The following PXDN variants were observed in gnomAD, a reference collection of about 807,000 sequenced individuals.
PXDN encodes the protein peroxidasin homolog.
Under a neutral mutation model 140.3 loss-of-function variants are expected in PXDN, and 77 were observed. The observed-to-expected ratio is 0.55, with a 90% CI of 0.46 to 0.66. The LOEUF (loss-of-function observed/expected upper bound fraction) is 0.66, where lower values mean the gene tolerates loss of function less well. Among genes scored for constraint, PXDN ranks in the 30% least tolerant of loss-of-function variants. The probability of loss-of-function intolerance (pLI) is 0.00; values close to 1 mark genes in which losing one functional copy is unlikely to be tolerated. For synonymous variants in PXDN, 911 were observed against 857.4 expected (o/e 1.06, Z -1.09); for missense variants, 1,838 against 2,039.5 (o/e 0.90, Z 1.90).
intron 4 of PXDN, among the ~76,000 whole-genome samples, 170 bp from the exon 5 acceptor site, chr2:1,684,321 T>A (rs1002288595): frequency 1.3e-5 from 2 of 152,148 alleles, no homozygotes; most frequent in African/African-American, 4.8e-5. Context: ...AATGATTCAA[T>A]AAATACAACT....
At position 1,649,445 on chromosome 2, in the gene PXDN, G is replaced by A. The variant is rs779259253; in HGVS notation, c.2335C>T (p.Arg779Trp). 7 of 1,613,876 alleles carry A rather than the reference G, an allele frequency of 4.3e-6. No individual in the cohort carries two copies. The highest frequency in any genetic ancestry group is 4.5e-5 in the East Asian group (2 of 44,878). The change falls in exon 17 of 23, where the codon CGG becomes TGG. Residue 779 changes from arginine to tryptophan, a missense_variant. By Grantham distance (101) the Arg-to-Trp change is moderately radical (BLOSUM62 -3). Transcript: ENST00000252804. The surrounding 1 kb of genome is among the most constrained non-coding windows in gnomAD (Gnocchi z 7.1). The stretch of plus-strand genomic sequence containing the variant: ...TACAGTCGGTGGGGGTTGATGCCCC[G>A]AGGGGTGTTGAAGCCATTCTCGTAC... ...SVYENGFNTP[R>W]GINPHRLYNG...
intron 10 of PXDN, 64 bp downstream of exon 10, chr2:1,666,150 C>A: frequency 1.3e-6 from 2 of 1,581,966 alleles, no homozygotes. Context: ...TATGGCAGCG[C>A]GAGCTAGTGG....
intron 1 of PXDN, among the ~76,000 whole-genome samples, chr2:1,706,232 A>G (rs1003504830): frequency 6.6e-6 from 1 of 152,198 alleles, no homozygotes; most frequent in Non-Finnish European, 1.5e-5. Context: ...CTAAAGATCT[A>G]TCTGGGAGGG....
At chr2:1,635,174 C>A (rs554241478) in intron 22 of PXDN, among the ~76,000 whole-genome samples, 2 of 142,830 alleles carry the variant, frequency 1.4e-5, no homozygotes, top group Admixed American at 1.5e-4. Flanking sequence ...AGGGGCTGCC[C>A]GCCCTCTGTG....
intron 1 of PXDN, among the ~76,000 whole-genome samples, chr2:1,705,807 G>A (rs913120964): frequency 6.6e-6 from 1 of 151,572 alleles, no homozygotes; most frequent in African/African-American, 2.4e-5. Flanking sequence ...CTGGGATGCA[G>A]GTGCGGCTGC....
At chr2:1,731,908 G>A (rs188692517) in intron 1 of PXDN, among the ~76,000 whole-genome samples, 41 of 152,258 alleles carry the variant, frequency 2.7e-4, no homozygotes, top group Middle Eastern at 3.4e-3. Flanking sequence ...GAGAACACCA[G>A]GATTGAGTCA....
chr2:1,693,287 C>T (rs1298349580), intron 1 of PXDN, among the ~76,000 whole-genome samples, 153 bp from the exon 2 acceptor site: 2 of 152,198 alleles, frequency 1.3e-5, no homozygotes, highest in South Asian at 2.1e-4. Flanking sequence ...TTCACTGAGG[C>T]TAGTAAGTGT....
chr2:1,744,771 G>C (rs1685654153), upstream of PXDN: 1 of 239,788 alleles, frequency 4.2e-6, no homozygotes, highest in African/African-American at 2.3e-5. Flanking sequence ...TCGGGACCCT[G>C]GGGCCTACGC....
intron 1 of PXDN, among the ~76,000 whole-genome samples, chr2:1,716,455 A>C (rs1234482812): frequency 2.2e-5 from 3 of 136,414 alleles, no homozygotes; most frequent in Non-Finnish European, 4.5e-5. Context: ...AAAAAAAAAA[A>C]AAAAAAAAAA....
Position 1,658,429 on chromosome 2 carries a change from C to A in PXDN, c.1837+2452G>T, listed in dbSNP as rs566156444. Reference sequence around the variant, plus strand: ...CACTGACAGAGCCCAGCAGTCCCCCCACAGTGCAAGCCAACTACTGCCAGG... The same window carrying A: ...CACTGACAGAGCCCAGCAGTCCCCCAACAGTGCAAGCCAACTACTGCCAGG... On this transcript the variant is annotated intron_variant, in intron 14 of 22. Coordinates refer to ENST00000252804, the MANE Select transcript of PXDN (RefSeq NM_012293.3). 1.2e-4 allele frequency among the ~76,000 whole-genome samples: 19 copies of A among 152,134 alleles called. No homozygotes were observed. The East Asian group carries it at 3.3e-3, about 27-fold the overall frequency.
chr2:1,720,861 G>A (rs899025486), intron 1 of PXDN, among the ~76,000 whole-genome samples: 14 of 152,090 alleles, frequency 9.2e-5, no homozygotes, highest in African/African-American at 3.4e-4. Flanking sequence ...GGTTGGACCT[G>A]GGTGGGCGCC....
At chr2:1,650,966 G>C (rs1572126748) in intron 16 of PXDN, among the ~76,000 whole-genome samples, 1 of 152,046 alleles carries the variant, frequency 6.6e-6, no homozygotes, top group Non-Finnish European at 1.5e-5. Flanking sequence ...CAAAGAATTG[G>C]AAGTGAGGCA....
intron 1 of PXDN, among the ~76,000 whole-genome samples, chr2:1,697,040 C>A (rs981216750): frequency 2.0e-5 from 3 of 152,196 alleles, no homozygotes; most frequent in African/African-American, 7.2e-5. Flanking sequence ...TGTTCCACAG[C>A]ACCAGTGCTT....
In PXDN at chr2:1,684,067, A is replaced by G. The variant is rs1191692693; in HGVS notation, c.488+13T>C. 1.3e-6 allele frequency: 2 copies of G among 1,569,486 alleles called. No individual in the cohort carries two copies. Among genetic ancestry groups the G allele is most frequent in the Non-Finnish European group, 8.7e-7 (1 of 1,155,762 alleles). On this transcript the variant is annotated intron_variant, in intron 5 of 22. Coordinates refer to ENST00000252804, the MANE Select transcript of PXDN (RefSeq NM_012293.3). ...TCTGTGAATGGAAAGGCAAGGAACAACACACAACTCACAGCCTCTCGAGCT... is the reference window on the plus strand; with the variant it reads ...TCTGTGAATGGAAAGGCAAGGAACAGCACACAACTCACAGCCTCTCGAGCT...
intron 14 of PXDN, among the ~76,000 whole-genome samples, chr2:1,658,068 CTCTCTCTCTCTCT>C (rs1558494441): frequency 0.087 from 10,629 of 122,392 alleles, 2,433 homozygotes; most frequent in Middle Eastern, 0.1. Flanking sequence ...CTCTCTCTCT[CTCTCTCTCTCTCT>C]CTCTCTCTCT....
intron 1 of PXDN, among the ~76,000 whole-genome samples, chr2:1,740,766 T>TGGCCCAACACCCAGCACACGGCGTG (rs1685525085): frequency 1.3e-5 from 2 of 152,172 alleles, no homozygotes; most frequent in Non-Finnish European, 2.9e-5. Context: ...TTTCTGTGGG[T>TGGCCCAACACCCAGCACACGGCGTG]GGCCCAACAC....
upstream of PXDN, chr2:1,744,552 G>A (rs543178935): frequency 1.0e-6 from 1 of 991,316 alleles, no homozygotes; most frequent in Non-Finnish European, 1.3e-6. Flanking sequence ...AGCTGTGCGC[G>A]GGGGGCGGGG....
intron 1 of PXDN, among the ~76,000 whole-genome samples, chr2:1,718,271 A>G (rs1684940031): frequency 6.6e-6 from 1 of 151,492 alleles, no homozygotes; most frequent in South Asian, 2.1e-4. Context: ...CACCTATTCC[A>G]CTAACCTACC....
In PXDN at chr2:1,666,264, G is replaced by A. The variant is rs773723398; in HGVS notation, c.1241C>T (p.Ala414Val). 5 of 1,614,018 alleles carry A rather than the reference G, an allele frequency of 3.1e-6. No individual in the cohort carries two copies. Among genetic ancestry groups the A allele is most frequent in the East Asian group, 4.5e-5 (2 of 44,876 alleles). ...ATGGACGCTGTCAATGTTGTTGGTC[G>A]CAGAGCACGCATACTCTCCGCTGTC... ...QGDSGEYACSATNNIDSVHAT... is the reference protein window; with the variant it reads ...QGDSGEYACSVTNNIDSVHAT... Residue 414 changes from alanine (A) to valine (V), a missense_variant, in exon 10 of 23, where the codon GCG (alanine) becomes GTG (valine). Ala to Val is a moderately conservative substitution (Grantham distance 64). Around this residue, in one of 5 missense-constraint regions of PXDN, gnomAD observed 537 missense variants for 583.9 expected, o/e 0.92. Coordinates refer to ENST00000252804, the MANE Select transcript of PXDN (RefSeq NM_012293.3).
Sources: gnomAD v4.1 joint callset for allele counts (sites outside exome capture counted in the v4.1 genomes callset) on GRCh38, gnomAD v4.1.1 for gene constraint, gnomAD v4.1.1 regional missense constraint, Gnocchi (gnomAD v3.1) non-coding constraint, MANE v1.5 for transcripts, NCBI Gene and HGNC (gene_info 2026-07-23, HGNC 2026-07-21) for gene names.